The following CRY1 variants were observed in gnomAD, a reference collection of about 807,000 sequenced individuals.
CRY1 encodes cryptochrome-1.
In CRY1, 45 loss-of-function variants were observed where a neutral mutation model predicts 76.0. The ratio of observed to expected loss-of-function variants is 0.59; its 90% CI spans 0.47 to 0.76. The LOEUF (loss-of-function observed/expected upper bound fraction) is 0.76. Among genes scored for constraint, CRY1 ranks in the 30% least tolerant of loss-of-function variants. The pLI, the probability that CRY1 is intolerant of heterozygous loss-of-function variation, is 0.00. For synonymous variants in CRY1, 248 were observed against 244.0 expected, an observed-to-expected ratio of 1.02 and a Z score of -0.15; for missense variants, 587 against 716.4, an observed-to-expected ratio of 0.82 and a Z score of 2.06.
rs79416963 is a variant in CRY1 at position 107,058,699 on chromosome 12, G to C, written c.158+34105C>G. 8.0e-3 allele frequency among the ~76,000 whole-genome samples: 1,218 copies of C among 152,292 alleles called. 22 individuals are homozygous for C. The highest frequency in any genetic ancestry group is 0.028 in the African/African-American group (1,172 of 41,556). ...ACATATGACAATAGTATATGGCAAAGTAAATGATGCTTTTTGCGAAGACAG... is the reference window on the plus strand; with the variant it reads ...ACATATGACAATAGTATATGGCAAACTAAATGATGCTTTTTGCGAAGACAG... On this transcript the variant is annotated intron_variant, in intron 1 of 12. Transcript: ENST00000008527.
chr12:107,020,871 A>G (rs1009871470), intron 2 of CRY1, among the ~76,000 whole-genome samples: 6 of 152,202 alleles, frequency 3.9e-5, no homozygotes, highest in African/African-American at 1.4e-4. Flanking sequence ...TAGTTGTATG[A>G]TCTTGGGCAA....
chr12:107,034,996 C>T (rs963912269), intron 1 of CRY1, among the ~76,000 whole-genome samples: 1 of 152,024 alleles, frequency 6.6e-6, no homozygotes, highest in Admixed American at 6.6e-5. Context: ...TGTGACTCTA[C>T]CAGGTTAGGC....
At chr12:107,092,688 C>T (rs1238890039) in intron 1 of CRY1, 116 bp downstream of exon 1, 4 of 1,443,994 alleles carry the variant, frequency 2.8e-6, no homozygotes, top group African/African-American at 2.8e-5. Context: ...AATTCGTAAG[C>T]GGTATAAGCA....
intron 1 of CRY1, among the ~76,000 whole-genome samples, chr12:107,071,276 T>C (rs1953188114): frequency 1.3e-5 from 2 of 152,190 alleles, no homozygotes; most frequent in Non-Finnish European, 2.9e-5. Flanking sequence ...ATTTCTGGTT[T>C]AGTACTAAAT....
chr12:107,058,048 C>T (rs181377419), intron 1 of CRY1, among the ~76,000 whole-genome samples: 234 of 151,838 alleles, frequency 1.5e-3, no homozygotes, highest in African/African-American at 5.2e-3. Flanking sequence ...AGAGCAAGGC[C>T]CTGTCTCAAA....
intron 1 of CRY1, among the ~76,000 whole-genome samples, chr12:107,040,821 T>C (rs1952790341): frequency 6.6e-6 from 1 of 152,148 alleles, no homozygotes; most frequent in Non-Finnish European, 1.5e-5. Flanking sequence ...AAGTGAGTTA[T>C]GAACCTTCCA....
At chr12:107,058,226 CAGAG>C (rs547159691) in intron 1 of CRY1, among the ~76,000 whole-genome samples, 250 of 152,024 alleles carry the variant, frequency 1.6e-3, no homozygotes, top group African/African-American at 5.5e-3. Context: ...TAATAAATGA[CAGAG>C]AGAATGCAGA....
At chr12:107,083,099 G>A (rs1011623364) in intron 1 of CRY1, among the ~76,000 whole-genome samples, 1 of 152,068 alleles carries the variant, frequency 6.6e-6, no homozygotes, top group Non-Finnish European at 1.5e-5. Context: ...TAGAAGAAAT[G>A]GATAAATTCC....
At chr12:107,085,571 C>T in intron 1 of CRY1, among the ~76,000 whole-genome samples, 1 of 152,064 alleles carries the variant, frequency 6.6e-6, no homozygotes, top group Non-Finnish European at 1.5e-5. Context: ...GAACAGAAAA[C>T]CAAACATCGC....
At chr12:107,043,553 T>C (rs1952821607) in intron 1 of CRY1, among the ~76,000 whole-genome samples, 1 of 152,126 alleles carries the variant, frequency 6.6e-6, no homozygotes, top group African/African-American at 2.4e-5. Flanking sequence ...GTACCCTGCA[T>C]CCCAGGGCAA....
intron 1 of CRY1, among the ~76,000 whole-genome samples, chr12:107,045,237 G>GA (rs199733858): frequency 1.6e-4 from 23 of 148,244 alleles, no homozygotes; most frequent in Middle Eastern, 7.0e-3. Context: ...AGTGCTAAGA[G>GA]AAAAAAAAAA....
Position 107,093,203 on chromosome 12 carries a change from G to C in CRY1, c.-242C>G, listed in dbSNP as rs1030662430. The C allele has an allele frequency of 2.2e-6, 1 of 447,060 alleles. No homozygotes were observed. Among genetic ancestry groups the C allele is most frequent in the Non-Finnish European group, 3.9e-6 (1 of 257,384 alleles). The allele number at this position is 447,060 out of a possible 1,614,324, so 27.7% of individuals were successfully genotyped here. On this transcript the variant is annotated 5_prime_UTR_variant, in exon 1 of 13. Coordinates refer to ENST00000008527, the MANE Select transcript of CRY1 (RefSeq NM_004075.5). ...AGTCCGGGTGTGACGCCCTTTAGGA[G>C]CCCGCGCCCGCCGCAACCGCCTGGA...
In CRY1 at chr12:107,013,433, A is replaced by T. The variant is rs1445492381; in HGVS notation, c.268-8185T>A. On this transcript the variant is annotated intron_variant, in intron 2 of 12. Coordinates refer to ENST00000008527, the MANE Select transcript of CRY1 (RefSeq NM_004075.5). ...GTCATAATGCTACTGCACACAGAAA[A>T]GACTACAGAATAGTATAAAGACAAC... 3.3e-5 allele frequency among the ~76,000 whole-genome samples: 5 copies of T among 152,228 alleles called. No individual in the cohort carries two copies. The East Asian group carries it at 9.6e-4, about 29-fold the overall frequency.
intron 1 of CRY1, among the ~76,000 whole-genome samples, chr12:107,056,989 T>A (rs1480113612): frequency 1.3e-5 from 2 of 152,082 alleles, no homozygotes; most frequent in Non-Finnish European, 2.9e-5. Context: ...CTAAAAAAAA[T>A]TCTAAATGAT....
At chr12:107,028,799 G>A (rs1172759412) in intron 1 of CRY1, among the ~76,000 whole-genome samples, 1 of 152,162 alleles carries the variant, frequency 6.6e-6, no homozygotes, top group Admixed American at 6.5e-5. Context: ...CACCATGAGT[G>A]ATATTGCCTT....
intron 1 of CRY1, among the ~76,000 whole-genome samples, chr12:107,032,017 C>T (rs925912496): frequency 3.3e-5 from 5 of 152,222 alleles, no homozygotes; most frequent in African/African-American, 1.2e-4. Context: ...TCACTGCAAC[C>T]TCCACCTCCC....
At chr12:107,009,743 T>C (rs1952422389) in intron 2 of CRY1, among the ~76,000 whole-genome samples, 1 of 151,242 alleles carries the variant, frequency 6.6e-6, no homozygotes, top group African/African-American at 2.4e-5. Context: ...GACCACATAG[T>C]GTCTTTACAA....
Position 107,001,789 on chromosome 12 carries a change from A to G in CRY1, c.570T>C (p.Tyr190=), listed in dbSNP as rs764548030. ...TPLSDDHDEK[Y]GVPSLEELGF... ...CTAGCTCTTCCAGTGAAGGGACTCCATATTTCTCATCATGGTCATCAGACA... is the reference window on the plus strand; with the variant it reads ...CTAGCTCTTCCAGTGAAGGGACTCCGTATTTCTCATCATGGTCATCAGACA... The change falls in exon 4 of 13, where the codon TAT becomes TAC. Residue 190 remains tyrosine, a synonymous_variant. Transcript: ENST00000008527. 11 of 1,570,132 alleles carry G rather than the reference A, an allele frequency of 7.0e-6. No individual in the cohort carries two copies. Among genetic ancestry groups the G allele is most frequent in the South Asian group, 1.2e-5 (1 of 81,930 alleles).
chr12:107,074,620 A>G (rs1294512278), intron 1 of CRY1, among the ~76,000 whole-genome samples: 1 of 152,196 alleles, frequency 6.6e-6, no homozygotes, highest in African/African-American at 2.4e-5. Flanking sequence ...ACCTATCGTT[A>G]TATCTTTTAT....
Sources: allele counts gnomAD v4.1 joint callset (sites outside exome capture counted in the v4.1 genomes callset), GRCh38; gene constraint gnomAD v4.1.1; transcripts MANE v1.5; gene names NCBI Gene and HGNC (gene_info 2026-07-23, HGNC 2026-07-21).